The following TUSC3 variants were observed in gnomAD, a reference collection of about 807,000 sequenced individuals.
TUSC3 encodes tumor suppressor candidate 3, also known as dolichyl-diphosphooligosaccharide--protein glycosyltransferase subunit TUSC3.
A neutral mutation model predicts 44.8 loss-of-function variants in TUSC3; 45 were observed. The ratio of observed to expected loss-of-function variants is 1.00; its 90% CI spans 0.79 to 1.29. The LOEUF is 1.29. Ranked by LOEUF, TUSC3 falls within the 50% of genes most tolerant of loss-of-function variation. The pLI, the probability that TUSC3 is intolerant of heterozygous loss-of-function variation, is 0.00. For synonymous variants in TUSC3, 212 were observed against 152.9 expected (o/e 1.39, Z -2.85); for missense variants, 519 against 437.9 (o/e 1.19, Z -1.65).
chr8:15,616,829 G>C (rs1309945105), intron 1 of TUSC3, among the ~76,000 whole-genome samples: 1 of 152,020 alleles, frequency 6.6e-6, no homozygotes, highest in Non-Finnish European at 1.5e-5. Context: ...TCCAGATGTC[G>C]ATTTCCAAGT....
chr8:15,743,423 T>TG, intron 7 of TUSC3, 115 bp from the exon 8 acceptor site: 1 of 1,019,562 alleles, frequency 9.8e-7, no homozygotes, highest in East Asian at 2.4e-5. Context: ...ATTGATTGTA[T>TG]TTACCTCTGT....
intron 1 of TUSC3, among the ~76,000 whole-genome samples, chr8:15,579,310 A>G (rs199744417): frequency 1.5e-5 from 2 of 133,448 alleles, no homozygotes; most frequent in African/African-American, 5.6e-5. Context: ...TTGTGTCTCT[A>G]TTTCCTTCAG....
the TUSC3 span, among the ~76,000 whole-genome samples, chr8:15,838,718 C>G: frequency 9.9e-4 from 151 of 152,200 alleles, no homozygotes; most frequent in East Asian, 0.019. Context: ...TGGTCTATAT[C>G]TCTGTTTTGG....
rs1055073089 is a variant in TUSC3 at position 15,594,898 on chromosome 8, T to C, written c.139-28182T>C. ...CTGGTTGCCCACGGCTCACGGAAAC[T>C]TCATGGGACAGATGGAGTTTTGACT... On this transcript the variant is annotated intron_variant, in intron 1 of 10. Coordinates refer to ENST00000503731, the MANE Select transcript of TUSC3 (RefSeq NM_006765.4). Among the ~76,000 whole-genome samples the C allele has an allele frequency of 2.0e-5, 3 of 152,080 alleles. 1 individual carries two copies. In the South Asian group the frequency reaches 6.2e-4, roughly 32 times the overall value.
At chr8:15,800,629 T>C in the TUSC3 span, among the ~76,000 whole-genome samples, 1 of 151,966 alleles carries the variant, frequency 6.6e-6, no homozygotes, top group Admixed American at 6.6e-5. Context: ...TGAGCAGATT[T>C]CAGAGCAATA....
chr8:15,691,467 G>A (rs1474265218), intron 6 of TUSC3, among the ~76,000 whole-genome samples: 1 of 152,150 alleles, frequency 6.6e-6, no homozygotes, highest in Admixed American at 6.5e-5. Flanking sequence ...TAGATAGTTT[G>A]ACTTCCTCTC....
chr8:15,770,546 G>A (rs949174833), downstream of TUSC3, among the ~76,000 whole-genome samples: 1 of 152,090 alleles, frequency 6.6e-6, no homozygotes, highest in Non-Finnish European at 1.5e-5. Context: ...AGAACTTAAA[G>A]TATAATTTTT....
chr8:15,767,644 T>C (rs576115753), downstream of TUSC3, among the ~76,000 whole-genome samples: 1 of 152,238 alleles, frequency 6.6e-6, no homozygotes, highest in Non-Finnish European at 1.5e-5. Context: ...ATTCCTTATG[T>C]GGGTTCCTGG....
intron 1 of TUSC3, among the ~76,000 whole-genome samples, chr8:15,565,479 GCTAC>G (rs1802631853): frequency 6.6e-6 from 1 of 152,130 alleles, no homozygotes; most frequent in Admixed American, 6.5e-5. Context: ...GACTCCCACA[GCTAC>G]CTGCTTAGCT....
chr8:15,610,849 T>C (rs1043728329), intron 1 of TUSC3, among the ~76,000 whole-genome samples: 2 of 152,092 alleles, frequency 1.3e-5, no homozygotes, highest in Non-Finnish European at 1.5e-5. Flanking sequence ...GGTACAAAGA[T>C]GGTCAAAATG....
At chr8:15,475,002 G>A (rs1800556442) in intron 1 of TUSC3, among the ~76,000 whole-genome samples, 1 of 151,398 alleles carries the variant, frequency 6.6e-6, no homozygotes, top group Admixed American at 6.6e-5. Context: ...CCTTTTTTTT[G>A]ATATTACCTT....
chr8:15,677,355 T>C (rs1195549251), intron 6 of TUSC3, among the ~76,000 whole-genome samples: 1 of 152,212 alleles, frequency 6.6e-6, no homozygotes, highest in African/African-American at 2.4e-5. Flanking sequence ...CTGTGACATT[T>C]TATATGCTTA....
chr8:15,723,362 T>C (rs1285230501), intron 6 of TUSC3, among the ~76,000 whole-genome samples: 1 of 152,182 alleles, frequency 6.6e-6, no homozygotes, highest in African/African-American at 2.4e-5. Flanking sequence ...GATTTGTCAC[T>C]GTTTTCATAA....
chr8:15,727,489 C>G (rs569771306), intron 6 of TUSC3, among the ~76,000 whole-genome samples: 1 of 152,212 alleles, frequency 6.6e-6, no homozygotes, highest in Admixed American at 6.5e-5. Flanking sequence ...CTGATACATA[C>G]TAATTGATCA....
chr8:15,847,573 G>C, the TUSC3 span, among the ~76,000 whole-genome samples: 3 of 152,126 alleles, frequency 2.0e-5, no homozygotes, highest in African/African-American at 7.2e-5. Context: ...ATGGCAGGCT[G>C]TGATTTGTAA....
At chr8:15,745,314 G>C (rs554829251) in intron 8 of TUSC3, among the ~76,000 whole-genome samples, 1 of 151,884 alleles carries the variant, frequency 6.6e-6, no homozygotes, top group Non-Finnish European at 1.5e-5. Flanking sequence ...TTTTTCTTTG[G>C]GTGTATACCC....
chr8:15,570,812 C>G (rs984120349), intron 1 of TUSC3, among the ~76,000 whole-genome samples: 1 of 151,902 alleles, frequency 6.6e-6, no homozygotes, highest in East Asian at 1.9e-4. Flanking sequence ...CAGTGCTTCT[C>G]ATACTGAAAG....
chr8:15,801,001 G>A, the TUSC3 span, among the ~76,000 whole-genome samples: 1 of 152,102 alleles, frequency 6.6e-6, no homozygotes, highest in Non-Finnish European at 1.5e-5. Flanking sequence ...CAAGAAAGGG[G>A]TCCCGATCCA....
At chr8:15,598,643 G>A (rs919751697) in intron 1 of TUSC3, among the ~76,000 whole-genome samples, 2 of 151,518 alleles carry the variant, frequency 1.3e-5, no homozygotes, top group African/African-American at 4.8e-5. Context: ...TCTTTTTACT[G>A]TCTTCATAGT....
Sources: allele counts gnomAD v4.1 joint callset (sites outside exome capture counted in the v4.1 genomes callset), GRCh38; gene constraint gnomAD v4.1.1; transcripts MANE v1.5; gene names NCBI Gene and HGNC (gene_info 2026-07-23, HGNC 2026-07-21).